AUTS2: variants seen among roughly 807,000 people sequenced by gnomAD.
AUTS2 encodes autism susceptibility gene 2 protein.
In AUTS2, 17 loss-of-function variants were observed where a neutral mutation model predicts 112.4. The observed-to-expected ratio is 0.15, with a 90% CI of 0.10 to 0.23. The LOEUF (loss-of-function observed/expected upper bound fraction) is 0.23, where lower values mean the gene tolerates loss of function less well. AUTS2 is among the 10% of genes least tolerant of loss of function. The pLI, the probability that AUTS2 is intolerant of heterozygous loss-of-function variation, is 1.00. For synonymous variants in AUTS2, 751 were observed against 702.7 expected, an observed-to-expected ratio of 1.07 and a Z score of -1.09; for missense variants, 1,510 against 1,701.6, an observed-to-expected ratio of 0.89 and a Z score of 1.98.
At chr7:70,527,698 T>C (rs1475182605) in intron 5 of AUTS2, among the ~76,000 whole-genome samples, 1 of 152,220 alleles carries the variant, frequency 6.6e-6, no homozygotes, top group Non-Finnish European at 1.5e-5. Flanking sequence ...GAAATGGGCT[T>C]CTGGGCTTTG....
At chr7:70,708,092 C>G (rs550080684) in intron 6 of AUTS2, among the ~76,000 whole-genome samples, 1 of 152,276 alleles carries the variant, frequency 6.6e-6, no homozygotes, top group East Asian at 1.9e-4. Flanking sequence ...ATTTGGATGC[C>G]TTTAAAAGCC....
At chr7:70,398,609 T>G (rs939643666) in intron 4 of AUTS2, among the ~76,000 whole-genome samples, 1 of 152,170 alleles carries the variant, frequency 6.6e-6, no homozygotes, top group Admixed American at 6.5e-5. Flanking sequence ...CTATTATAGT[T>G]CTAGTAGCTT....
At chr7:69,868,198 G>T (rs1793322618) in intron 1 of AUTS2, among the ~76,000 whole-genome samples, 1 of 152,090 alleles carries the variant, frequency 6.6e-6, no homozygotes, top group Non-Finnish European at 1.5e-5. Context: ...CTAATGAAAA[G>T]CTTCTGTTGG....
chr7:70,276,041 A>G (rs1410199869), intron 4 of AUTS2, among the ~76,000 whole-genome samples: 2 of 152,168 alleles, frequency 1.3e-5, no homozygotes, highest in African/African-American at 4.8e-5. Context: ...TCTGTAGCTA[A>G]CATTTGGACA....
At chr7:69,614,315 T>TCTTC in intron 1 of AUTS2, among the ~76,000 whole-genome samples, 2 of 9,528 alleles carry the variant, frequency 2.1e-4, no homozygotes, top group African/African-American at 4.6e-4. Context: ...ACTCTCCGTC[T>TCTTC]CTTTCTTTCT....
At chr7:69,743,995 T>C (rs936143123) in intron 1 of AUTS2, among the ~76,000 whole-genome samples, 35 of 151,782 alleles carry the variant, frequency 2.3e-4, no homozygotes, top group African/African-American at 8.0e-4. Context: ...AGAGACTGGG[T>C]GTAGCTGTGT....
intron 2 of AUTS2, among the ~76,000 whole-genome samples, chr7:69,990,194 G>C (rs1798687924): frequency 6.6e-6 from 1 of 152,082 alleles, no homozygotes. Flanking sequence ...TATTTCATTG[G>C]GTTTTTTGGG....
intron 4 of AUTS2, among the ~76,000 whole-genome samples, chr7:70,303,240 G>A (rs949465677): frequency 6.6e-5 from 10 of 152,106 alleles, no homozygotes; most frequent in South Asian, 6.2e-4. Context: ...ACTTCCACTC[G>A]GAAATAATAG....
At chr7:70,123,243 G>C (rs1584756585) in intron 3 of AUTS2, among the ~76,000 whole-genome samples, 1 of 152,124 alleles carries the variant, frequency 6.6e-6, no homozygotes, top group Middle Eastern at 3.4e-3. Context: ...ACACCTACCT[G>C]CACAATATTT....
chr7:69,954,643 C>T (rs948077070), intron 2 of AUTS2, among the ~76,000 whole-genome samples: 11 of 152,140 alleles, frequency 7.2e-5, no homozygotes, highest in South Asian at 4.1e-4. Context: ...TAAAACAGAA[C>T]GCCAGTTTGT....
At chr7:69,683,421 T>A (rs1166730216) in intron 1 of AUTS2, among the ~76,000 whole-genome samples, 1 of 152,160 alleles carries the variant, frequency 6.6e-6, no homozygotes, top group Non-Finnish European at 1.5e-5. Flanking sequence ...AGAAAAGAAA[T>A]GTTTTGGGGG....
intron 4 of AUTS2, among the ~76,000 whole-genome samples, chr7:70,301,913 G>A (rs117469561): frequency 0.011 from 1,585 of 150,570 alleles, 24 homozygotes; most frequent in South Asian, 0.026. Flanking sequence ...TGTGCACCAC[G>A]ATGCCTGTGT....
intron 4 of AUTS2, among the ~76,000 whole-genome samples, chr7:70,235,898 T>G (rs1022446269): frequency 6.6e-6 from 1 of 152,170 alleles, no homozygotes; most frequent in Non-Finnish European, 1.5e-5. Flanking sequence ...GACCTCGTGG[T>G]CCGCCCACCT....
intron 5 of AUTS2, among the ~76,000 whole-genome samples, chr7:70,566,252 C>T (rs1432921820): frequency 1.3e-5 from 2 of 152,170 alleles, no homozygotes; most frequent in Non-Finnish European, 2.9e-5. Context: ...TGACCTCTTC[C>T]TTCTGTCTCC....
chr7:70,451,674 A>G (rs1796539831), intron 5 of AUTS2, among the ~76,000 whole-genome samples: 1 of 152,202 alleles, frequency 6.6e-6, no homozygotes, highest in East Asian at 1.9e-4. Flanking sequence ...TATTTTAGAA[A>G]TGAGGAACTT....
At chr7:70,711,333 A>G (rs1427883294) in intron 6 of AUTS2, among the ~76,000 whole-genome samples, 1 of 152,236 alleles carries the variant, frequency 6.6e-6, no homozygotes, top group African/African-American at 2.4e-5. Context: ...GCATCCTGCC[A>G]GGTATCTTAT....
chr7:69,828,971 A>G (rs1791376755), intron 1 of AUTS2, among the ~76,000 whole-genome samples: 1 of 152,220 alleles, frequency 6.6e-6, no homozygotes, highest in South Asian at 2.1e-4. Flanking sequence ...AGGAGGCATC[A>G]TGCTACCTGA....
At chr7:69,863,937 C>T (rs759963049) in intron 1 of AUTS2, among the ~76,000 whole-genome samples, 22 of 152,158 alleles carry the variant, frequency 1.4e-4, no homozygotes, top group Non-Finnish European at 2.6e-4. Flanking sequence ...GAAACCTGTC[C>T]GTCTCTCAGG....
chr7:69,802,996 C>T (rs1410042741), intron 1 of AUTS2, among the ~76,000 whole-genome samples: 1 of 152,192 alleles, frequency 6.6e-6, no homozygotes, highest in East Asian at 1.9e-4. Flanking sequence ...CACTTTCCCC[C>T]TCATTTGGAG....
Sources: gnomAD v4.1 joint callset for allele counts (sites outside exome capture counted in the v4.1 genomes callset) on GRCh38, gnomAD v4.1.1 for gene constraint, MANE v1.5 for transcripts, NCBI Gene and HGNC (gene_info 2026-07-23, HGNC 2026-07-21) for gene names.